MAD1L1: variants seen among roughly 807,000 people sequenced by gnomAD.
MAD1L1 encodes the protein mitotic spindle assembly checkpoint protein MAD1.
Under a neutral mutation model 96.9 loss-of-function variants are expected in MAD1L1, and 95 were observed. That is an observed-to-expected ratio of 0.98 (90% CI 0.83 to 1.16). MAD1L1 has a LOEUF of 1.16. MAD1L1 is among the 50% of genes most tolerant of loss of function. MAD1L1 has a pLI of 0.00. For missense variants in MAD1L1, 1,007 were observed against 954.4 expected (o/e 1.06, Z -0.73); for synonymous variants, 473 against 396.6 (o/e 1.19, Z -2.29).
chr7:2,171,493 C>T (rs931930203), intron 10 of MAD1L1, among the ~76,000 whole-genome samples: 1 of 137,034 alleles, frequency 7.3e-6, no homozygotes, highest in African/African-American at 3.5e-5. Context: ...AGAAGGACAG[C>T]AGCCGGAGGG....
At chr7:1,927,025 G>A in intron 17 of MAD1L1, among the ~76,000 whole-genome samples, 1 of 152,188 alleles carries the variant, frequency 6.6e-6, no homozygotes, top group East Asian at 1.9e-4. Flanking sequence ...AGTGAGTTCA[G>A]CAAGGTCATG....
At chr7:2,181,490 C>T (rs76385814) in intron 10 of MAD1L1, among the ~76,000 whole-genome samples, 1 of 152,332 alleles carries the variant, frequency 6.6e-6, no homozygotes, top group South Asian at 2.1e-4. Context: ...CAGTGAGATA[C>T]CACCTTAATC....
chr7:2,220,458 A>C (rs1793539646), intron 5 of MAD1L1, among the ~76,000 whole-genome samples: 1 of 152,250 alleles, frequency 6.6e-6, no homozygotes, highest in African/African-American at 2.4e-5. Flanking sequence ...AGCCAATGTG[A>C]AAAGCCGGAC....
intron 11 of MAD1L1, among the ~76,000 whole-genome samples, chr7:2,139,802 C>A (rs1410432726): frequency 6.6e-6 from 1 of 152,206 alleles, no homozygotes; most frequent in Non-Finnish European, 1.5e-5. Flanking sequence ...TTCCCCCGAC[C>A]CTCAAGGCTA....
intron 12 of MAD1L1, among the ~76,000 whole-genome samples, chr7:2,059,111 G>A (rs1465266047): frequency 9.4e-6 from 1 of 105,850 alleles, no homozygotes; most frequent in Admixed American, 9.1e-5. Flanking sequence ...TGGAGAGGGA[G>A]TGTGGCCAGA....
intron 10 of MAD1L1, among the ~76,000 whole-genome samples, chr7:2,186,668 T>C (rs550643978): frequency 2.0e-5 from 3 of 152,358 alleles, no homozygotes; most frequent in Admixed American, 6.5e-5. Context: ...TAGGATCACA[T>C]GTGAGTCCAA....
In MAD1L1 at chr7:1,929,728, C is replaced by G. The variant is rs868356993; in HGVS notation, c.1807+6959G>C. 2.3e-3 allele frequency among the ~76,000 whole-genome samples: 330 copies of G among 142,858 alleles called. 2 individuals are homozygous for G. The East Asian group carries it at 0.044, about 19-fold the overall frequency. The allele number at this position is 142,858 out of a possible 152,430, so 93.7% of individuals were successfully genotyped here. A position where few individuals can be genotyped will look rare whatever the true frequency, so the allele number is the denominator to read the frequency against. ...CTGCCACGTCCCCTCGCCCATCCCC[C>G]ACTGCCACGTCCCCTCGCCCCGTCC... On this transcript the variant is annotated intron_variant, in intron 17 of 18. Coordinates refer to ENST00000265854, the MANE Select transcript of MAD1L1 (RefSeq NM_001013836.2).
At chr7:2,083,285 C>A (rs961968384) in intron 11 of MAD1L1, among the ~76,000 whole-genome samples, 37 of 152,356 alleles carry the variant, frequency 2.4e-4, no homozygotes, top group Admixed American at 7.2e-4. Flanking sequence ...CATTTATGAA[C>A]CTCGCTTCCT....
chr7:2,178,898 AAAAAG>A (rs1554404957), intron 10 of MAD1L1, among the ~76,000 whole-genome samples: 61 of 151,680 alleles, frequency 4.0e-4, no homozygotes, highest in African/African-American at 9.5e-4. Context: ...CAAAAAAAAA[AAAAAG>A]AAAAGAAAAG....
At chr7:2,111,084 G>A (rs937152736) in intron 11 of MAD1L1, among the ~76,000 whole-genome samples, 2 of 152,204 alleles carry the variant, frequency 1.3e-5, no homozygotes, top group Non-Finnish European at 2.9e-5. Flanking sequence ...CACAGGGCAC[G>A]CTGCGGCCAA....
intron 18 of MAD1L1, among the ~76,000 whole-genome samples, chr7:1,827,943 G>A (rs1167717315): frequency 1.3e-5 from 2 of 152,206 alleles, no homozygotes; most frequent in African/African-American, 2.4e-5. Context: ...TGGCAGTGAC[G>A]TTTCGTGGAG....
chr7:2,029,499 C>A (rs1248207250), intron 12 of MAD1L1, among the ~76,000 whole-genome samples: 1 of 152,142 alleles, frequency 6.6e-6, no homozygotes, highest in Non-Finnish European at 1.5e-5. Context: ...CATCATAGCC[C>A]TCTAAGATGT....
At chr7:1,874,082 C>T (rs1202713724) in intron 18 of MAD1L1, among the ~76,000 whole-genome samples, 1 of 152,216 alleles carries the variant, frequency 6.6e-6, no homozygotes, top group Non-Finnish European at 1.5e-5. Flanking sequence ...TCTGCCTGGC[C>T]ACCGGGGATC....
chr7:1,883,245 A>G (rs940233348), intron 18 of MAD1L1, among the ~76,000 whole-genome samples: 1 of 152,196 alleles, frequency 6.6e-6, no homozygotes, highest in African/African-American at 2.4e-5. Flanking sequence ...CCAGGAACCC[A>G]AACTACCAAA....
intron 11 of MAD1L1, among the ~76,000 whole-genome samples, chr7:2,121,738 C>T (rs1472887194): frequency 6.6e-6 from 1 of 151,970 alleles, no homozygotes; most frequent in South Asian, 2.1e-4. Flanking sequence ...GGAAAGGTCA[C>T]ACCTTTCTAC....
At chr7:1,828,217 A>G (rs1381727407) in intron 18 of MAD1L1, among the ~76,000 whole-genome samples, 1 of 152,084 alleles carries the variant, frequency 6.6e-6, no homozygotes, top group Non-Finnish European at 1.5e-5. Context: ...AATATGAGGC[A>G]TCAAATGTGA....
intron 17 of MAD1L1, among the ~76,000 whole-genome samples, chr7:1,913,385 T>C (rs534332100): frequency 6.6e-6 from 1 of 151,972 alleles, no homozygotes; most frequent in African/African-American, 2.4e-5. Context: ...GGGGGATCCA[T>C]CAGGGCAGAC....
intron 17 of MAD1L1, among the ~76,000 whole-genome samples, chr7:1,931,374 G>A (rs1365041224): frequency 1.3e-5 from 2 of 152,358 alleles, no homozygotes; most frequent in East Asian, 1.9e-4. Context: ...AGCAAGCGGC[G>A]TGACCTGGAC....
At chr7:2,176,040 T>C (rs1790932193) in intron 10 of MAD1L1, among the ~76,000 whole-genome samples, 1 of 152,202 alleles carries the variant, frequency 6.6e-6, no homozygotes, top group African/African-American at 2.4e-5. Flanking sequence ...TACATTTTCT[T>C]TAATTAAATA....
Sources: gnomAD v4.1 joint callset for allele counts (sites outside exome capture counted in the v4.1 genomes callset) on GRCh38, gnomAD v4.1.1 for gene constraint, MANE v1.5 for transcripts, NCBI Gene and HGNC (gene_info 2026-07-23, HGNC 2026-07-21) for gene names.